CPB1: variants seen among roughly 807,000 people sequenced by gnomAD.
CPB1 encodes the protein carboxypeptidase B1.
CPB1 carries 53 observed loss-of-function variants against 51.4 expected under a neutral mutation model. The ratio of observed to expected loss-of-function variants is 1.03; its 90% CI spans 0.83 to 1.30. CPB1 has a LOEUF of 1.30. Ranked by LOEUF, CPB1 falls within the 50% of genes most tolerant of loss-of-function variation. The pLI is 0.00. For synonymous variants in CPB1, 189 were observed against 186.9 expected, an observed-to-expected ratio of 1.01 and a Z score of -0.09; for missense variants, 494 against 516.2, an observed-to-expected ratio of 0.96 and a Z score of 0.42.
At chr3:148,849,683 C>T (rs1031881279) in intron 9 of CPB1, among the ~76,000 whole-genome samples, 14 of 152,296 alleles carry the variant, frequency 9.2e-5, no homozygotes, top group Non-Finnish European at 1.6e-4. Context: ...GAAAGCAGAG[C>T]GCACTACACA....
At chr3:148,837,299 C>T (rs113191325) in intron 3 of CPB1, among the ~76,000 whole-genome samples, 3 of 152,182 alleles carry the variant, frequency 2.0e-5, no homozygotes, top group African/African-American at 7.2e-5. Flanking sequence ...CCCAGGACAG[C>T]AATAGGCACA....
At chr3:148,854,134 A>G (rs1268346216) in intron 9 of CPB1, 1 of 152,148 alleles carries the variant, frequency 6.6e-6, no homozygotes, top group Non-Finnish European at 1.5e-5. Context: ...ATTGTAGCAA[A>G]TGCAAGAATT....
At chr3:148,842,034 G>A (rs1252229289) in intron 6 of CPB1, 110 bp downstream of exon 6, 1 of 849,398 alleles carries the variant, frequency 1.2e-6, no homozygotes, top group African/African-American at 1.7e-5. Flanking sequence ...ACAATTACAA[G>A]TGCCCAATTT....
At position 148,860,168 on chromosome 3, in the gene CPB1, G is replaced by C; in HGVS notation, c.*166G>C. On this transcript the variant is annotated 3_prime_UTR_variant, in exon 11 of 11. Coordinates refer to ENST00000282957, the MANE Select transcript of CPB1 (RefSeq NM_001871.3). Reference sequence around the variant, plus strand: ...TTTTCGTATTGATCATAATAAAAGTGAATCATTACTATTGGAAAACTTGAC... The same window carrying C: ...TTTTCGTATTGATCATAATAAAAGTCAATCATTACTATTGGAAAACTTGAC... 2 of 633,182 alleles carry C rather than the reference G, an allele frequency of 3.2e-6. No homozygotes were observed. The highest frequency in any genetic ancestry group is 4.5e-5 in the South Asian group (2 of 44,878). The allele number at this position is 633,182 out of a possible 1,614,324, so 39.2% of individuals were successfully genotyped here. A position where few individuals can be genotyped will look rare whatever the true frequency, so the allele number is the denominator to read the frequency against.
At chr3:148,848,024 A>T (rs191865234) in intron 9 of CPB1, among the ~76,000 whole-genome samples, 2 of 152,268 alleles carry the variant, frequency 1.3e-5, no homozygotes, top group Admixed American at 1.3e-4. Context: ...TATCTGATTC[A>T]TTTGGTGTCT....
chr3:148,857,347 G>A (rs1046125075), intron 9 of CPB1, 110 bp from the exon 10 acceptor site: 25 of 764,584 alleles, frequency 3.3e-5, no homozygotes, highest in East Asian at 5.4e-5. Flanking sequence ...CATATAATAC[G>A]ATCCAAATTG....
In CPB1 at chr3:148,839,597, A is replaced by C. The variant is rs541712791; in HGVS notation, c.273-1089A>C. Among the ~76,000 whole-genome samples, 47 of 152,320 alleles carry C rather than the reference A, an allele frequency of 3.1e-4. 1 individual carries two copies. The highest frequency in any genetic ancestry group is 3.2e-4 in the Non-Finnish European group (22 of 68,018). On this transcript the variant is annotated intron_variant, in intron 3 of 10. Coordinates refer to ENST00000282957, the MANE Select transcript of CPB1 (RefSeq NM_001871.3). ...TAGGAAACAGATTCCAGTTAGTATT[A>C]ATTTATTACACTTTCCAAAAACAGA...
intron 3 of CPB1, among the ~76,000 whole-genome samples, chr3:148,836,279 G>A (rs1283717285): frequency 6.6e-6 from 1 of 151,900 alleles, no homozygotes; most frequent in African/African-American, 2.4e-5. Flanking sequence ...AGAATTGACT[G>A]TCTTTTTAAA....
At chr3:148,844,648 T>G in intron 7 of CPB1, 29 bp from the exon 8 acceptor site, 1 of 1,613,026 alleles carries the variant, frequency 6.2e-7, no homozygotes, top group East Asian at 2.2e-5. Context: ...CTCTATTATA[T>G]TTGTCCTAAC....
intron 2 of CPB1, among the ~76,000 whole-genome samples, chr3:148,828,479 A>C (rs1712638075): frequency 6.6e-6 from 1 of 151,990 alleles, no homozygotes; most frequent in South Asian, 2.1e-4. Flanking sequence ...GTCCTCTTTG[A>C]TTTTCTTTCA....
intron 1 of CPB1, 52 bp from the exon 2 acceptor site, chr3:148,827,950 G>A: frequency 1.2e-6 from 2 of 1,612,058 alleles, no homozygotes; most frequent in Non-Finnish European, 1.7e-6. Context: ...CCCCAAATTT[G>A]GACACATTAC....
chr3:148,844,494 G>T lies in CPB1; in HGVS notation c.593G>T (p.Gly198Val), dbSNP rs1713173479. The T allele has an allele frequency of 1.2e-6, 2 of 1,613,446 alleles. No homozygotes were observed. Among genetic ancestry groups the T allele is most frequent in the South Asian group, 2.2e-5 (2 of 91,056 alleles). Residue 198 changes from glycine to valine, a missense_variant, in exon 7 of 11, where the codon GGA (glycine) becomes GTA (valine). Coordinates refer to ENST00000282957, the MANE Select transcript of CPB1 (RefSeq NM_001871.3). ...WFVREAVRTY[G>V]REIQVTELLD... ...CACATACAGGCTGTTCGTACCTATG[G>T]ACGTGAGATCCAAGTGACAGAGCTT... is the stretch of plus-strand genomic sequence containing the variant.
intron 9 of CPB1, 191 bp from the exon 10 acceptor site, chr3:148,857,266 A>G (rs1713607413): frequency 3.9e-6 from 2 of 511,992 alleles, no homozygotes; most frequent in African/African-American, 3.9e-5. Context: ...TAGGGAAGAC[A>G]TTCTTGCACA....
chr3:148,844,458 T>A lies in CPB1; in HGVS notation c.577-20T>A, dbSNP rs531638338. The A allele has an allele frequency of 4.3e-5, 68 of 1,570,314 alleles. 1 individual carries two copies. The South Asian group carries it at 7.5e-4, about 17-fold the overall frequency. On this transcript the variant is annotated intron_variant, in intron 6 of 10. Coordinates refer to ENST00000282957, the MANE Select transcript of CPB1 (RefSeq NM_001871.3). ...TAATTCCATTTTTCCATGAAATTCCTCTTCATAATTCACATACAGGCTGTT... is the reference window on the plus strand; with the variant it reads ...TAATTCCATTTTTCCATGAAATTCCACTTCATAATTCACATACAGGCTGTT...
rs1028186100 is a variant in CPB1 at position 148,840,924 on chromosome 3, T to C, written c.423T>C (p.Ser141=). 3.1e-6 allele frequency: 5 copies of C among 1,614,040 alleles called. No individual in the cohort carries two copies. In the African/African-American group the frequency reaches 4.0e-5, roughly 13 times the overall value. Residue 141 remains serine (S), a synonymous_variant, in exon 5 of 11, where the codon TCT becomes TCC. Transcript: ENST00000282957. The part of the protein sequence containing the change: ...QVATENPALI[S]RSVIGTTFEG... Reference sequence around the variant, plus strand: ...CCACTGAGAATCCAGCCCTCATCTCTCGCAGTGTTATCGGAACCACATTTG... The same window carrying C: ...CCACTGAGAATCCAGCCCTCATCTCCCGCAGTGTTATCGGAACCACATTTG...
intron 3 of CPB1, among the ~76,000 whole-genome samples, chr3:148,836,571 G>A (rs1712912562): frequency 6.6e-6 from 1 of 152,150 alleles, no homozygotes; most frequent in Non-Finnish European, 1.5e-5. Flanking sequence ...CAGATAGAAA[G>A]TTCACTTTCT....
chr3:148,845,368 TC>T, intron 8 of CPB1, 55 bp from the exon 9 acceptor site: 1 of 1,524,094 alleles, frequency 6.6e-7, no homozygotes, highest in Non-Finnish European at 9.1e-7. Flanking sequence ...GTTTAAAACA[TC>T]CCCACAAGAA....
chr3:148,855,817 G>C (rs529527181), intron 9 of CPB1: 1 of 152,312 alleles, frequency 6.6e-6, no homozygotes, highest in Admixed American at 6.5e-5. Context: ...CTGCCTTTCA[G>C]ATAAATAACT....
chr3:148,828,408 T>C (rs937852309), intron 2 of CPB1, among the ~76,000 whole-genome samples: 1 of 152,208 alleles, frequency 6.6e-6, no homozygotes, highest in African/African-American at 2.4e-5. Context: ...AACTTGGATA[T>C]TACTGAAAAA....
Sources: allele counts gnomAD v4.1 joint callset (sites outside exome capture counted in the v4.1 genomes callset), GRCh38; gene constraint gnomAD v4.1.1; transcripts MANE v1.5; gene names NCBI Gene and HGNC (gene_info 2026-07-23, HGNC 2026-07-21).